IGSF21: variants seen among roughly 807,000 people sequenced by gnomAD.
The protein encoded by IGSF21 is immunoglobin superfamily member 21.
A neutral mutation model predicts 46.8 loss-of-function variants in IGSF21; 28 were observed. That is an observed-to-expected ratio of 0.60 (90% CI 0.44 to 0.82). IGSF21 has a LOEUF of 0.82. Ranked by LOEUF, IGSF21 falls within the 40% of genes least tolerant of loss-of-function variation. The probability of loss-of-function intolerance (pLI) is 0.00; values close to 1 mark genes in which losing one functional copy is unlikely to be tolerated. For missense variants in IGSF21, 624 were observed against 665.5 expected, an observed-to-expected ratio of 0.94 and a Z score of 0.69; for synonymous variants, 284 against 273.6, an observed-to-expected ratio of 1.04 and a Z score of -0.38.
chr1:18,313,870 A>C (rs1258004067), intron 3 of IGSF21, among the ~76,000 whole-genome samples: 1 of 152,068 alleles, frequency 6.6e-6, no homozygotes, highest in African/African-American at 2.4e-5. Flanking sequence ...GAGCCCTGGA[A>C]CTCTGCCCTG....
intron 1 of IGSF21, among the ~76,000 whole-genome samples, chr1:18,167,208 C>G (rs1257841966): frequency 6.6e-6 from 1 of 152,142 alleles, no homozygotes; most frequent in Non-Finnish European, 1.5e-5. Context: ...AAGGGTGTAT[C>G]TGAAGCAAGA....
intron 1 of IGSF21, among the ~76,000 whole-genome samples, chr1:18,212,954 G>T (rs1206767232): frequency 6.6e-6 from 1 of 152,244 alleles, no homozygotes; most frequent in Non-Finnish European, 1.5e-5. Context: ...ACACTAGTAT[G>T]GTAGAAAGGT....
intron 1 of IGSF21, among the ~76,000 whole-genome samples, chr1:18,193,772 C>A (rs1344492812): frequency 6.6e-6 from 1 of 152,212 alleles, no homozygotes; most frequent in Non-Finnish European, 1.5e-5. Flanking sequence ...CAAGTTGACA[C>A]TCAGCATTGA....
chr1:18,269,135 A>G (rs1041680328), intron 2 of IGSF21, among the ~76,000 whole-genome samples: 10 of 152,198 alleles, frequency 6.6e-5, no homozygotes, highest in Non-Finnish European at 1.3e-4. Context: ...AGGCTGCAGC[A>G]GCTTTGCAAA....
intron 1 of IGSF21, among the ~76,000 whole-genome samples, chr1:18,129,271 G>A (rs2086298552): frequency 6.6e-6 from 1 of 152,088 alleles, no homozygotes; most frequent in African/African-American, 2.4e-5. Flanking sequence ...CACCAGGATG[G>A]CAAATTTTAC....
intron 1 of IGSF21, among the ~76,000 whole-genome samples, chr1:18,178,427 T>C (rs1023995332): frequency 6.6e-6 from 1 of 152,160 alleles, no homozygotes; most frequent in African/African-American, 2.4e-5. Context: ...AACCATGTGA[T>C]ATTGAACGAG....
chr1:18,215,699 G>A (rs2084437406), intron 1 of IGSF21, among the ~76,000 whole-genome samples: 1 of 152,148 alleles, frequency 6.6e-6, no homozygotes. Context: ...GCAAAAGATA[G>A]AAGGGCAAGA....
chr1:18,229,892 A>G (rs1270508770), intron 2 of IGSF21, among the ~76,000 whole-genome samples: 1 of 152,248 alleles, frequency 6.6e-6, no homozygotes, highest in East Asian at 1.9e-4. Context: ...TCCCTCAGCC[A>G]TCCCATAGAT....
chr1:18,232,468 G>A (rs928202297), intron 2 of IGSF21, among the ~76,000 whole-genome samples: 7 of 152,204 alleles, frequency 4.6e-5, no homozygotes, highest in South Asian at 2.1e-4. Context: ...CTTTACATAC[G>A]TGATGACATT....
At chr1:18,313,698 A>G (rs1370132423) in intron 3 of IGSF21, among the ~76,000 whole-genome samples, 1 of 152,182 alleles carries the variant, frequency 6.6e-6, no homozygotes, top group African/African-American at 2.4e-5. Flanking sequence ...GATAAGGATT[A>G]ATATTGCTCC....
Position 18,291,874 on chromosome 1 carries a change from T to C in IGSF21, c.192T>C (p.Asp64=), listed in dbSNP as rs759900142. The C allele has an allele frequency of 6.2e-7, 1 of 1,614,004 alleles. No individual in the cohort carries two copies. Among genetic ancestry groups the C allele is most frequent in the Non-Finnish European group, 8.5e-7 (1 of 1,179,930 alleles). ...MREIVWYRVT[D]GGTIKQKIFT... ...TCTGTGCTCTGTGGCAGGTGACGGA[T>C]GGTGGCACCATCAAGCAAAAGATCT... The change falls in exon 3 of 10, where the codon GAT becomes GAC. Residue 64 remains aspartate, a synonymous_variant. Coordinates refer to ENST00000251296, the MANE Select transcript of IGSF21 (RefSeq NM_032880.5).
chr1:18,355,330 A>C (rs992177745), intron 4 of IGSF21, among the ~76,000 whole-genome samples: 1 of 152,226 alleles, frequency 6.6e-6, no homozygotes, highest in Non-Finnish European at 1.5e-5. Context: ...AGTGAGTTAC[A>C]ATGACCAAAA....
At chr1:18,142,749 C>T (rs1292656048) in intron 1 of IGSF21, among the ~76,000 whole-genome samples, 1 of 152,194 alleles carries the variant, frequency 6.6e-6, no homozygotes, top group Admixed American at 6.5e-5. Context: ...GGCTGATTAG[C>T]GCTTCCCCCA....
chr1:18,265,981 A>T (rs2084986027), intron 2 of IGSF21, among the ~76,000 whole-genome samples: 1 of 152,154 alleles, frequency 6.6e-6, no homozygotes, highest in South Asian at 2.1e-4. Context: ...TAGGGATTTA[A>T]TGCAGCCTTG....
intron 1 of IGSF21, among the ~76,000 whole-genome samples, chr1:18,124,632 G>C (rs968398361): frequency 1.3e-5 from 2 of 152,276 alleles, no homozygotes; most frequent in African/African-American, 4.8e-5. Context: ...CCGTGGCTGG[G>C]CTGCTGTGGA....
intron 1 of IGSF21, among the ~76,000 whole-genome samples, chr1:18,150,298 G>T (rs1040410712): frequency 6.6e-6 from 1 of 152,190 alleles, no homozygotes; most frequent in Non-Finnish European, 1.5e-5. Context: ...CTGCTGCCAC[G>T]TGCTCTAAGG....
rs115837753 is a variant in IGSF21 at position 18,276,105 on chromosome 1, C to A, written c.184-15761C>A. The stretch of plus-strand genomic sequence containing the variant: ...CATCTTCCCCCAACCCAAATGGCTT[C>A]AGTCAAATAGAGCCTTGTAACAGAT... On this transcript the variant is annotated intron_variant, in intron 2 of 9. Transcript: ENST00000251296. Among the ~76,000 whole-genome samples, 811 of 152,332 alleles carry A rather than the reference C, an allele frequency of 5.3e-3. 6 individuals are homozygous for A. Among genetic ancestry groups the A allele is most frequent in the African/African-American group, 0.018 (753 of 41,572 alleles).
chr1:18,150,380 G>A (rs1034044711), intron 1 of IGSF21, among the ~76,000 whole-genome samples: 1 of 150,916 alleles, frequency 6.6e-6, no homozygotes, highest in Non-Finnish European at 1.5e-5. Flanking sequence ...CAGTTCACTT[G>A]TAACAAGGAG....
intron 1 of IGSF21, among the ~76,000 whole-genome samples, chr1:18,155,194 C>T (rs988461575): frequency 2.6e-5 from 4 of 152,052 alleles, no homozygotes; most frequent in South Asian, 2.1e-4. Flanking sequence ...CATTTGCACC[C>T]GCCTCCCCAG....
Sources: gnomAD v4.1 joint callset for allele counts (sites outside exome capture counted in the v4.1 genomes callset) on GRCh38, gnomAD v4.1.1 for gene constraint, MANE v1.5 for transcripts, NCBI Gene and HGNC (gene_info 2026-07-23, HGNC 2026-07-21) for gene names.